The following NR2F2 variants were observed in gnomAD, a reference collection of about 807,000 sequenced individuals.
NR2F2 encodes nuclear receptor subfamily 2 group F member 2.
NR2F2 carries 2 observed loss-of-function variants against 34.8 expected under a neutral mutation model. The ratio of observed to expected loss-of-function variants is 0.06; its 90% CI spans 0.02 to 0.18. The LOEUF (loss-of-function observed/expected upper bound fraction) is 0.18. Among genes scored for constraint, NR2F2 ranks in the 10% least tolerant of loss-of-function variants. The pLI, the probability that NR2F2 is intolerant of heterozygous loss-of-function variation, is 1.00. For synonymous variants in NR2F2, 274 were observed against 251.8 expected (o/e 1.09, Z -0.84); for missense variants, 300 against 580.1 (o/e 0.52, Z 4.96).
Position 96,331,578 on chromosome 15 carries a change from TCCTCCTCC to T in NR2F2, c.-527_-520del, listed in dbSNP as rs1250093984. 30 of 1,173,862 alleles carry T rather than the reference TCCTCCTCC, an allele frequency of 2.6e-5. No homozygotes were observed. In the African/African-American group the frequency reaches 7.9e-4, roughly 31 times the overall value. The allele number at this position is 1,173,862 out of a possible 1,614,324, so 72.7% of individuals were successfully genotyped here. A position where few individuals can be genotyped will look rare whatever the true frequency, so the allele number is the denominator to read the frequency against. On this transcript the variant is annotated 5_prime_UTR_variant, in exon 1 of 3. An upstream open reading frame in the 5' UTR loses its in-frame stop. Transcript: ENST00000394166. ...CTCCTTCACCACCACCTCCTCTTCC[TCCTCCTCC>T]TCCTCCTCCTCCTCCGCCAACTCCT...
chr15:96,329,120 C>A (rs775469043), upstream of NR2F2, among the ~76,000 whole-genome samples: 1 of 151,948 alleles, frequency 6.6e-6, no homozygotes, highest in Non-Finnish European at 1.5e-5. Flanking sequence ...TGGAGCTCAG[C>A]GTCTTTTGTG....
chr15:96,336,826 A>G (rs529025107), intron 2 of NR2F2, among the ~76,000 whole-genome samples: 7 of 152,154 alleles, frequency 4.6e-5, no homozygotes, highest in Non-Finnish European at 8.8e-5. Flanking sequence ...AAGACTGGAG[A>G]AAAATGAGTC....
Position 96,331,226 on chromosome 15 carries a change from C to T in NR2F2, c.-880C>T. On this transcript the variant is annotated 5_prime_UTR_variant, in exon 1 of 3. Transcript: ENST00000394166. The stretch of plus-strand genomic sequence containing the variant: ...GGAACGGCGAGCGGCCTCCACCCAG[C>T]GACTGCGGGCGGCGGCGGCCGGAGA... 2 of 981,386 alleles carry T rather than the reference C, an allele frequency of 2.0e-6. No individual in the cohort carries two copies. Among genetic ancestry groups the T allele is most frequent in the Non-Finnish European group, 2.4e-6 (2 of 828,146 alleles). 60.8% of individuals were successfully genotyped at this position (981,386 alleles called of 1,614,324 possible).
At chr15:96,335,237 CTG>C (rs1899289572) in intron 2 of NR2F2, among the ~76,000 whole-genome samples, 1 of 152,190 alleles carries the variant, frequency 6.6e-6, no homozygotes, top group Non-Finnish European at 1.5e-5. Context: ...GTTGAAGACT[CTG>C]GCCTCTTGCT....
At chr15:96,330,163 T>C (rs1567136491), upstream of NR2F2, among the ~76,000 whole-genome samples, 1 of 152,150 alleles carries the variant, frequency 6.6e-6, no homozygotes, top group Non-Finnish European at 1.5e-5. Context: ...TTCTTTGGCA[T>C]TGTGGGTACT....
chr15:96,333,956 T>TG (rs1443763813), intron 1 of NR2F2, 120 bp from the exon 2 acceptor site: 1 of 1,508,836 alleles, frequency 6.6e-7, no homozygotes, highest in African/African-American at 1.4e-5. Flanking sequence ...CAGGCCTGCC[T>TG]GGTTCTTGCG....
intron 2 of NR2F2, 43 bp from the exon 3 acceptor site, chr15:96,337,305 C>T (rs74032490): frequency 9.7e-5 from 144 of 1,489,858 alleles, no homozygotes; most frequent in African/African-American, 3.6e-4. Flanking sequence ...TCTTCTTCTT[C>T]TTTTTCTTCT....
chr15:96,337,703 A>C lies in NR2F2; in HGVS notation c.*81A>C, dbSNP rs548819074. ...TTGTTTGCTTAATTTCCTTCTGTTA[A>C]GAAAGGATATAAAAGGATGTTACAA... On this transcript the variant is annotated 3_prime_UTR_variant, in exon 3 of 3. Coordinates refer to ENST00000394166, the MANE Select transcript of NR2F2 (RefSeq NM_021005.4). 2.0e-5 allele frequency: 28 copies of C among 1,415,060 alleles called. No homozygotes were observed. In the Middle Eastern group the frequency reaches 6.1e-4, roughly 31 times the overall value. 87.7% of individuals were successfully genotyped at this position (1,415,060 alleles called of 1,614,324 possible). A position where few individuals can be genotyped will look rare whatever the true frequency, so the allele number is the denominator to read the frequency against.
rs143013583 is a variant in NR2F2 at position 96,334,509 on chromosome 15, A to T, written c.876A>T (p.Ile292=). ...GGGTGGTCGCCTTTATGGACCACAT[A>T]CGGATCTTCCAAGAGCAAGTGGAGA... ...ADRVVAFMDH[I]RIFQEQVEKL... is the part of the protein sequence containing the mutation. The change falls in exon 2 of 3, where the codon ATA becomes ATT. Residue 292 remains isoleucine, a synonymous_variant. Transcript: ENST00000394166. 2.5e-6 allele frequency: 4 copies of T among 1,613,822 alleles called. No homozygotes were observed. The highest frequency in any genetic ancestry group is 3.3e-5 in the Admixed American group (2 of 60,034).
chr15:96,331,661 AGAGT>A lies in NR2F2; in HGVS notation c.-441_-438del, dbSNP rs1027636201. 11 of 1,126,926 alleles carry A rather than the reference AGAGT, an allele frequency of 9.8e-6. No individual in the cohort carries two copies. Among genetic ancestry groups the A allele is most frequent in the South Asian group, 4.5e-5 (1 of 22,018 alleles). 69.8% of individuals were successfully genotyped at this position (1,126,926 alleles called of 1,614,324 possible). On this transcript the variant is annotated 5_prime_UTR_variant, in exon 1 of 3. Transcript: ENST00000394166. ...GAGAGTGAACGAGAGAGGGAGGGAG[AGAGT>A]GAGAGCGAGCGAGATCTTTGGAGAG...
chr15:96,335,011 C>T (rs946238259), intron 2 of NR2F2, among the ~76,000 whole-genome samples: 1 of 152,246 alleles, frequency 6.6e-6, no homozygotes, highest in African/African-American at 2.4e-5. Context: ...ATGCCCTGGG[C>T]AGTGGAGCAG....
Position 96,334,338 on chromosome 15 carries a change from C to T in NR2F2, c.705C>T (p.Asp235=), listed in dbSNP as rs1391554410. The change falls in exon 2 of 3, where the codon GAC becomes GAT. Residue 235 remains aspartate (D), a synonymous_variant. Transcript: ENST00000394166. ...CCCGGAACATCCCCTTCTTCCCCGA[C>T]CTGCAGATCACGGACCAGGTGGCCC... The part of the protein sequence containing the change: ...EWARNIPFFP[D]LQITDQVALL... 6.2e-7 allele frequency: 1 copy of T among 1,614,112 alleles called. No homozygotes were observed. Among genetic ancestry groups the T allele is most frequent in the Non-Finnish European group, 8.5e-7 (1 of 1,180,056 alleles).
chr15:96,333,858 G>A, intron 1 of NR2F2: 2 of 1,422,054 alleles, frequency 1.4e-6, no homozygotes, highest in Non-Finnish European at 1.8e-6. Context: ...GGCCTCGGAG[G>A]CAAGTGTGCC....
intron 1 of NR2F2, chr15:96,333,867 C>T: frequency 2.1e-6 from 3 of 1,424,682 alleles, no homozygotes; most frequent in South Asian, 1.6e-5. Context: ...GGCAAGTGTG[C>T]CCCTCTGGCC....
At chr15:96,332,716 A>C in intron 1 of NR2F2, 169 bp downstream of exon 1, 3 of 1,389,518 alleles carry the variant, frequency 2.2e-6, no homozygotes, top group Non-Finnish European at 2.8e-6. Flanking sequence ...CAGACCCCAA[A>C]TCCGCATGCT....
chr15:96,328,931 C>T (rs1253452994), upstream of NR2F2, among the ~76,000 whole-genome samples: 2 of 152,104 alleles, frequency 1.3e-5, no homozygotes, highest in African/African-American at 4.8e-5. Flanking sequence ...ATCTTTAGTC[C>T]TTACCTCATA....
At position 96,331,408 on chromosome 15, in the gene NR2F2, C is replaced by A; in HGVS notation, c.-698C>A. 8.1e-7 allele frequency: 1 copy of A among 1,229,896 alleles called. No homozygotes were observed. The highest frequency in any genetic ancestry group is 1.6e-5 in the African/African-American group (1 of 64,348). The allele number at this position is 1,229,896 out of a possible 1,614,324, so 76.2% of individuals were successfully genotyped here. A position where few individuals can be genotyped will look rare whatever the true frequency, so the allele number is the denominator to read the frequency against. Reference sequence around the variant, plus strand: ...CTCCGCGGGCCGCCGGCCTCCGCCCCGGCCTGCCTGGCTCCCTGGGCGCGC... The same window carrying A: ...CTCCGCGGGCCGCCGGCCTCCGCCCAGGCCTGCCTGGCTCCCTGGGCGCGC... On this transcript the variant is annotated 5_prime_UTR_variant, in exon 1 of 3. Coordinates refer to ENST00000394166, the MANE Select transcript of NR2F2 (RefSeq NM_021005.4).
Position 96,331,952 on chromosome 15 carries a change from G to GCC in NR2F2, c.-150_-149dup. 1 of 1,205,264 alleles carries GCC rather than the reference G, an allele frequency of 8.3e-7. No homozygotes were observed. Among genetic ancestry groups the GCC allele is most frequent in the Non-Finnish European group, 1.0e-6 (1 of 971,262 alleles). 74.7% of individuals were successfully genotyped at this position (1,205,264 alleles called of 1,614,324 possible). On this transcript the variant is annotated 5_prime_UTR_variant, in exon 1 of 3. Transcript: ENST00000394166. ...AAAACTAACCAACCTCAACCAACCA[G>GCC]CCCCCGAGCCACCCGGGGCGCCCTC... is the stretch of plus-strand genomic sequence containing the variant.
chr15:96,336,596 A>T (rs1425097760), intron 2 of NR2F2, among the ~76,000 whole-genome samples: 2 of 152,032 alleles, frequency 1.3e-5, no homozygotes, highest in Non-Finnish European at 1.5e-5. Context: ...TCACGTATCA[A>T]AAAAGAAAAG....
Sources: allele counts gnomAD v4.1 joint callset (sites outside exome capture counted in the v4.1 genomes callset), GRCh38; gene constraint gnomAD v4.1.1; transcripts MANE v1.5; gene names NCBI Gene and HGNC (gene_info 2026-07-23, HGNC 2026-07-21).